ASCC1: variants seen among roughly 807,000 people sequenced by gnomAD.
The protein encoded by ASCC1 is activating signal cointegrator 1 complex subunit 1, also known as ASC-1 complex subunit P50.
In ASCC1, 35 loss-of-function variants were observed where a neutral mutation model predicts 46.6. That is an observed-to-expected ratio of 0.75 (90% CI 0.57 to 0.99). The LOEUF is 0.99. Ranked by LOEUF, ASCC1 falls within the 50% of genes least tolerant of loss-of-function variation. The probability of loss-of-function intolerance (pLI) is 0.00; values close to 1 mark genes in which losing one functional copy is unlikely to be tolerated. For missense variants in ASCC1, 376 were observed against 428.7 expected, an observed-to-expected ratio of 0.88 and a Z score of 1.09; for synonymous variants, 143 against 146.6, an observed-to-expected ratio of 0.98 and a Z score of 0.18.
chr10:72,174,312 C>T (rs1940189124), intron 5 of ASCC1, among the ~76,000 whole-genome samples: 1 of 152,160 alleles, frequency 6.6e-6, no homozygotes, highest in South Asian at 2.1e-4. Context: ...GGCAGAACTG[C>T]TAATAATACT....
intron 7 of ASCC1, 22 bp from the exon 8 acceptor site, chr10:72,133,203 A>G (rs1033847535): frequency 3.1e-6 from 5 of 1,613,428 alleles, no homozygotes; most frequent in Admixed American, 3.3e-5. Context: ...GGAGAAAAGT[A>G]ATGCAGAAAT....
At chr10:72,161,838 GAAC>G (rs1251261710) in intron 5 of ASCC1, among the ~76,000 whole-genome samples, 164 bp from the exon 6 acceptor site, 2 of 152,164 alleles carry the variant, frequency 1.3e-5, no homozygotes, top group East Asian at 3.9e-4. Flanking sequence ...AATGATGCTA[GAAC>G]AATAGAATAC....
chr10:72,131,940 C>T (rs571317855), intron 8 of ASCC1, among the ~76,000 whole-genome samples: 19 of 146,670 alleles, frequency 1.3e-4, no homozygotes, highest in South Asian at 4.3e-4. Flanking sequence ...GCGATCTCGG[C>T]ACACTGTAAC....
chr10:72,196,662 T>C lies in ASCC1; in HGVS notation c.489+149A>G, dbSNP rs1003790569. 1.8e-5 allele frequency: 14 copies of C among 792,256 alleles called. No homozygotes were observed. The Admixed American group carries it at 2.2e-4, about 13-fold the overall frequency. 49.1% of individuals were successfully genotyped at this position (792,256 alleles called of 1,614,324 possible). On this transcript the variant is annotated intron_variant, in intron 5 of 9. Coordinates refer to ENST00000672957, the MANE Select transcript of ASCC1 (RefSeq NM_001198800.3). ...CTGATATGTCCATACACTTTTTTTT[T>C]CAGTTCAATATAAGAAGCCAAAAGA...
In ASCC1 at chr10:72,115,343, G is replaced by C. The variant is rs113324071; in HGVS notation, c.957+12739C>G. ...CTCTGAACAATCAAAGTAGGGAGAGGGGGGTAGCTGAGAGATGGAGAGAGC... is the reference window on the plus strand; with the variant it reads ...CTCTGAACAATCAAAGTAGGGAGAGCGGGGTAGCTGAGAGATGGAGAGAGC... On this transcript the variant is annotated intron_variant, in intron 9 of 9. Transcript: ENST00000672957. 9.4e-4 allele frequency among the ~76,000 whole-genome samples: 143 copies of C among 152,256 alleles called. 1 individual carries two copies. In the Middle Eastern group the frequency reaches 0.017, roughly 18 times the overall value.
chr10:72,177,502 C>T (rs969414968), intron 5 of ASCC1, among the ~76,000 whole-genome samples: 3 of 152,168 alleles, frequency 2.0e-5, no homozygotes, highest in African/African-American at 7.2e-5. Context: ...CAGTGTAAGC[C>T]TCCATGTTAC....
chr10:72,187,303 T>TAAA (rs1240627983), intron 5 of ASCC1, among the ~76,000 whole-genome samples: 1 of 152,244 alleles, frequency 6.6e-6, no homozygotes. Flanking sequence ...AGTTAGTCAC[T>TAAA]TAAAAACTAG....
intron 3 of ASCC1, among the ~76,000 whole-genome samples, chr10:72,208,090 G>A (rs928610716): frequency 1.1e-4 from 16 of 151,796 alleles, no homozygotes; most frequent in Admixed American, 5.9e-4. Flanking sequence ...TTGGCCTCCC[G>A]AAGTGCTGGG....
chr10:72,206,619 C>A (rs535757981), intron 3 of ASCC1, among the ~76,000 whole-genome samples: 1 of 152,182 alleles, frequency 6.6e-6, no homozygotes, highest in African/African-American at 2.4e-5. Flanking sequence ...CTTAAGCCTA[C>A]CTGAGAATCA....
At chr10:72,189,770 C>A (rs770277855) in intron 5 of ASCC1, among the ~76,000 whole-genome samples, 1 of 144,234 alleles carries the variant, frequency 6.9e-6, no homozygotes, top group Non-Finnish European at 1.5e-5. Flanking sequence ...CCACTGCATT[C>A]CTGCCTGGGC....
At chr10:72,141,078 TAG>T (rs143493932) in intron 7 of ASCC1, among the ~76,000 whole-genome samples, 421 of 134,490 alleles carry the variant, frequency 3.1e-3, no homozygotes, top group South Asian at 0.017. Context: ...GATAGATAGA[TAG>T]ATAGATATAG....
intron 4 of ASCC1, among the ~76,000 whole-genome samples, chr10:72,202,154 G>C (rs1856585560): frequency 6.6e-6 from 1 of 152,168 alleles, no homozygotes; most frequent in African/African-American, 2.4e-5. Flanking sequence ...ATTGGAGGTT[G>C]CTGCACTCTT....
chr10:72,098,422 T>C (rs749588372), intron 9 of ASCC1, among the ~76,000 whole-genome samples: 19 of 152,222 alleles, frequency 1.2e-4, no homozygotes, highest in Non-Finnish European at 2.4e-4. Context: ...GTGCCTTGGA[T>C]TGCAGTAGTG....
chr10:72,146,854 C>CA (rs1847689557), intron 7 of ASCC1, among the ~76,000 whole-genome samples: 1 of 151,408 alleles, frequency 6.6e-6, no homozygotes, highest in East Asian at 1.9e-4. Flanking sequence ...GAAAGCATAC[C>CA]AAAAAAAGTT....
intron 7 of ASCC1, among the ~76,000 whole-genome samples, chr10:72,145,174 T>A (rs1228359461): frequency 6.6e-6 from 1 of 152,238 alleles, no homozygotes; most frequent in Non-Finnish European, 1.5e-5. Context: ...CAATCCTCCA[T>A]AGGTGGCTTC....
intron 8 of ASCC1, among the ~76,000 whole-genome samples, chr10:72,130,432 G>C (rs55796828): frequency 1.3e-5 from 2 of 152,174 alleles, no homozygotes; most frequent in Non-Finnish European, 2.9e-5. Context: ...TCTGCAAATA[G>C]AGGGATAACT....
Position 72,097,331 on chromosome 10 carries a change from A to G in ASCC1, c.*3T>C. 6.3e-7 allele frequency: 1 copy of G among 1,586,364 alleles called. No homozygotes were observed. Among genetic ancestry groups the G allele is most frequent in the Non-Finnish European group, 8.7e-7 (1 of 1,154,986 alleles). On this transcript the variant is annotated 3_prime_UTR_variant, in exon 10 of 10. Coordinates refer to ENST00000672957, the MANE Select transcript of ASCC1 (RefSeq NM_001198800.3). Reference sequence around the variant, plus strand: ...TAGTTTCTAGTGCTTTCCAAGATCCACCTCAGGAGAAGTCAATTTGTCCAC... The same window carrying G: ...TAGTTTCTAGTGCTTTCCAAGATCCGCCTCAGGAGAAGTCAATTTGTCCAC...
At chr10:72,155,692 C>T (rs954536263) in intron 6 of ASCC1, among the ~76,000 whole-genome samples, 6 of 152,110 alleles carry the variant, frequency 3.9e-5, no homozygotes, top group Non-Finnish European at 8.8e-5. Flanking sequence ...ACACGTATTA[C>T]CTTTGTGTTA....
At chr10:72,188,571 GA>G (rs1184951421) in intron 5 of ASCC1, among the ~76,000 whole-genome samples, 1 of 152,120 alleles carries the variant, frequency 6.6e-6, no homozygotes, top group Non-Finnish European at 1.5e-5. Flanking sequence ...AAAGAAAGAA[GA>G]AAAGATCTTG....
Sources: gnomAD v4.1 joint callset for allele counts (sites outside exome capture counted in the v4.1 genomes callset) on GRCh38, gnomAD v4.1.1 for gene constraint, MANE v1.5 for transcripts, NCBI Gene and HGNC (gene_info 2026-07-23, HGNC 2026-07-21) for gene names.